Variants in FAM83F observed in about 807,000 individuals in gnomAD.
FAM83F encodes the protein scaffolding CK1 anchoring protein F.
FAM83F carries 45 observed loss-of-function variants against 42.9 expected under a neutral mutation model. The ratio of observed to expected loss-of-function variants is 1.05; its 90% CI spans 0.83 to 1.35. The LOEUF (loss-of-function observed/expected upper bound fraction) is 1.35. FAM83F is among the 40% of genes most tolerant of loss of function. FAM83F has a pLI of 0.00. For synonymous variants in FAM83F, 306 were observed against 298.3 expected (o/e 1.03, Z -0.27); for missense variants, 617 against 695.9 (o/e 0.89, Z 1.28).
intron 4 of FAM83F, among the ~76,000 whole-genome samples, chr22:40,026,617 A>T (rs945971872): frequency 6.6e-6 from 1 of 152,132 alleles, no homozygotes; most frequent in African/African-American, 2.4e-5. Flanking sequence ...GGCCGAGAGG[A>T]AGATGACAGC....
intron 1 of FAM83F, among the ~76,000 whole-genome samples, chr22:40,007,403 TC>T (rs2067437209): frequency 3.2e-5 from 1 of 31,546 alleles, no homozygotes; most frequent in East Asian, 8.6e-4. Flanking sequence ...CCTCTCCTCC[TC>T]CTCTTCCTCC....
At chr22:40,003,545 CA>C (rs1310334029) in intron 1 of FAM83F, among the ~76,000 whole-genome samples, 7 of 135,536 alleles carry the variant, frequency 5.2e-5, no homozygotes, top group African/African-American at 8.5e-5. Flanking sequence ...GCCCCCTGCT[CA>C]GGGGGGGTGT....
chr22:39,998,693 T>C (rs2067382715), intron 1 of FAM83F: 1 of 152,178 alleles, frequency 6.6e-6, no homozygotes, highest in African/African-American at 2.4e-5. Flanking sequence ...GGGGCGGGGT[T>C]TTTTTCTGCT....
Position 40,026,492 on chromosome 22 carries a change from C to T in FAM83F, c.1454-3024C>T, listed in dbSNP as rs931299754. On this transcript the variant is annotated intron_variant, in intron 4 of 4. Coordinates refer to ENST00000333407, the MANE Select transcript of FAM83F (RefSeq NM_138435.4). ...TGGAGATCACACCACTGCACTCCAG[C>T]CTGGGTGACACAGTAGGAATCTGTC... is the stretch of plus-strand genomic sequence containing the variant. Among the ~76,000 whole-genome samples the T allele has an allele frequency of 2.0e-5, 3 of 152,092 alleles. No individual in the cohort carries two copies. In the South Asian group the frequency reaches 6.2e-4, roughly 32 times the overall value.
Position 40,007,941 on chromosome 22 carries a change from G to A in FAM83F, c.490-11227G>A, listed in dbSNP as rs937044127. Among the ~76,000 whole-genome samples the A allele has an allele frequency of 3.3e-5, 5 of 152,176 alleles. No individual in the cohort carries two copies. The South Asian group carries it at 1.0e-3, about 32-fold the overall frequency. On this transcript the variant is annotated intron_variant, in intron 1 of 4. Transcript: ENST00000333407. ...ACAGAGCACCTTTCTGTGCTCTGGTGGCAGCTGTGCCAGTTAGAAGTTGCA... is the reference window on the plus strand; with the variant it reads ...ACAGAGCACCTTTCTGTGCTCTGGTAGCAGCTGTGCCAGTTAGAAGTTGCA...
rs761928217 is a variant in FAM83F, at chr22:40,021,756, C to T, written c.1246C>T (p.Arg416Ter). ...HMHRDLKPKS[R>*]EAPSRNGMGE... ...GCACAGAGACCTGAAGCCCAAATCC[C>T]GAGAGGCACCCAGCCGAAACGGCAT... Residue 416 changes from arginine (R) to a stop codon, truncating the protein, a stop_gained, in exon 4 of 5, where the codon CGA becomes TGA. Coordinates refer to ENST00000333407, the MANE Select transcript of FAM83F (RefSeq NM_138435.4). LOFTEE classifies it high-confidence loss of function. The surrounding 1 kb of genome is among the most constrained non-coding windows in gnomAD (Gnocchi z 8.7). The T allele has an allele frequency of 2.6e-5, 42 of 1,612,860 alleles. No individual in the cohort carries two copies. Among genetic ancestry groups the T allele is most frequent in the Non-Finnish European group, 3.0e-5 (35 of 1,179,814 alleles).
In FAM83F at chr22:40,019,828, G is replaced by T. The variant is rs1160613387; in HGVS notation, c.658-59G>T. ...GGGGGCTCTTCCTCTGCAGAAGCAAGGACCTGGCACGGAGGCTGGCCCAAC... is the reference window on the plus strand; with the variant it reads ...GGGGGCTCTTCCTCTGCAGAAGCAATGACCTGGCACGGAGGCTGGCCCAAC... On this transcript the variant is annotated intron_variant, in intron 2 of 4. Transcript: ENST00000333407. 2.6e-6 allele frequency: 4 copies of T among 1,546,730 alleles called. No homozygotes were observed. In the African/African-American group the frequency reaches 5.5e-5, roughly 21 times the overall value.
At chr22:40,003,353 C>A (rs1488536489) in intron 1 of FAM83F, among the ~76,000 whole-genome samples, 1 of 152,026 alleles carries the variant, frequency 6.6e-6, no homozygotes, top group Non-Finnish European at 1.5e-5. Context: ...AACTGTCAGT[C>A]CCCCCATCTT....
In FAM83F at chr22:40,037,962, C is replaced by T. The variant is rs928878197; in HGVS notation, c.*8397C>T. ...CTAACTCCTGGGCTCAAGTGATCCT[C>T]CCACCTCAGCCTCCCAAGTAGCTGG... On this transcript the variant is annotated 3_prime_UTR_variant, in exon 5 of 5. Transcript: ENST00000333407. 1 of 152,280 alleles carries T rather than the reference C, an allele frequency of 6.6e-6. No individual in the cohort carries two copies. The highest frequency in any genetic ancestry group is 1.5e-5 in the Non-Finnish European group (1 of 68,102). The allele number at this position is 152,280 out of a possible 1,614,324, so 9.4% of individuals were successfully genotyped here. A position where few individuals can be genotyped will look rare whatever the true frequency, so the allele number is the denominator to read the frequency against.
chr22:40,040,969 G>A lies in FAM83F; in HGVS notation c.*11404G>A, dbSNP rs11704416. The stretch of plus-strand genomic sequence containing the variant: ...CAGCTTGCTATCCCCCCTTCCCCCA[G>A]CTTGTGGGTTATTGCAGAATTGTTC... On this transcript the variant is annotated 3_prime_UTR_variant, in exon 5 of 5. Coordinates refer to ENST00000333407, the MANE Select transcript of FAM83F (RefSeq NM_138435.4). 6.6e-6 allele frequency: 1 copy of A among 152,102 alleles called. No individual in the cohort carries two copies. Among genetic ancestry groups the A allele is most frequent in the East Asian group, 1.9e-4 (1 of 5,188 alleles). The allele number at this position is 152,102 out of a possible 1,614,324, so 9.4% of individuals were successfully genotyped here.
chr22:39,995,028 CGG>C lies in FAM83F; in HGVS notation c.-12_-11del, dbSNP rs1425647385. 3.9e-6 allele frequency: 5 copies of C among 1,265,860 alleles called. No individual in the cohort carries two copies. The highest frequency in any genetic ancestry group is 5.0e-6 in the Non-Finnish European group (5 of 1,008,410). The allele number at this position is 1,265,860 out of a possible 1,614,324, so 78.4% of individuals were successfully genotyped here. A position where few individuals can be genotyped will look rare whatever the true frequency, so the allele number is the denominator to read the frequency against. ...GCGGGGCCGGGGCCAGGGCCGGGGC[CGG>C]GGCCGGGGCGCCATGGCCGAGTCCC... On this transcript the variant is annotated 5_prime_UTR_variant, in exon 1 of 5. Coordinates refer to ENST00000333407, the MANE Select transcript of FAM83F (RefSeq NM_138435.4). The surrounding 1 kb of genome is among the most constrained non-coding windows in gnomAD (Gnocchi z 4.6).
intron 1 of FAM83F, among the ~76,000 whole-genome samples, chr22:39,997,688 G>A (rs530194837): frequency 1.3e-5 from 2 of 152,234 alleles, no homozygotes; most frequent in African/African-American, 2.4e-5. Flanking sequence ...TTTTTGCTTC[G>A]AAAAAGCAAG....
intron 1 of FAM83F, among the ~76,000 whole-genome samples, chr22:40,006,385 G>T (rs1190102075): frequency 6.6e-6 from 1 of 152,228 alleles, no homozygotes; most frequent in Non-Finnish European, 1.5e-5. Context: ...GCAGGGCTCT[G>T]TCCCCCACCC....
intron 1 of FAM83F, among the ~76,000 whole-genome samples, chr22:40,005,775 A>C (rs3021273): frequency 0.067 from 10,191 of 152,204 alleles, 1,130 homozygotes; most frequent in African/African-American, 0.23. Context: ...GGCTGGGTGG[A>C]ATTGGGCTCT....
chr22:40,043,487 GA>G lies in FAM83F; in HGVS notation c.*13924del, dbSNP rs2067661692. On this transcript the variant is annotated 3_prime_UTR_variant, in exon 5 of 5. Transcript: ENST00000333407. ...CTATCCTGGAAGATTTCCAGGAGCT[GA>G]AGGGCTGTTCTCTTTGCATGCAATA... The G allele has an allele frequency of 6.6e-6, 1 of 152,194 alleles. No individual in the cohort carries two copies. Among genetic ancestry groups the G allele is most frequent in the African/African-American group, 2.4e-5 (1 of 41,436 alleles). 9.4% of individuals were successfully genotyped at this position (152,194 alleles called of 1,614,324 possible). A position where few individuals can be genotyped will look rare whatever the true frequency, so the allele number is the denominator to read the frequency against.
intron 1 of FAM83F, among the ~76,000 whole-genome samples, chr22:40,014,310 G>A (rs907058064): frequency 3.3e-5 from 5 of 151,700 alleles, no homozygotes; most frequent in African/African-American, 9.7e-5. Context: ...ACCAAGTTAA[G>A]GAAGATCCCT....
In FAM83F at chr22:40,021,795, C is replaced by T. The variant is rs376449430; in HGVS notation, c.1285C>T (p.Arg429Trp). The T allele has an allele frequency of 7.8e-5, 126 of 1,612,538 alleles. No individual in the cohort carries two copies. The highest frequency in any genetic ancestry group is 1.2e-4 in the Admixed American group (7 of 59,986). Reference protein sequence around the residue: ...PSRNGMGEAARGEAAPARRFS... With the variant: ...PSRNGMGEAAWGEAAPARRFS... ...CCGAAACGGCATGGGAGAAGCGGCC[C>T]GGGGGGAGGCCGCCCCCGCCAGGCG... Residue 429 changes from arginine (R) to tryptophan (W), a missense_variant, in exon 4 of 5, where the codon CGG becomes TGG. Transcript: ENST00000333407. The surrounding 1 kb of genome is among the most constrained non-coding windows in gnomAD (Gnocchi z 8.7).
chr22:40,005,301 ATCT>A (rs1454461983), intron 1 of FAM83F, among the ~76,000 whole-genome samples: 1 of 152,262 alleles, frequency 6.6e-6, no homozygotes, highest in Non-Finnish European at 1.5e-5. Flanking sequence ...TCGCTTGTGT[ATCT>A]TCTTTGGATT....
rs770039552 is a variant in FAM83F, at chr22:40,021,935, C to G, written c.1425C>G (p.Pro475=). The change falls in exon 4 of 5, where the codon CCC becomes CCG. Residue 475 remains proline, a synonymous_variant. Coordinates refer to ENST00000333407, the MANE Select transcript of FAM83F (RefSeq NM_138435.4). This position sits in a 1 kb window ranked among gnomAD's most constrained non-coding sequence, Gnocchi z 8.7. The part of the protein sequence containing the change: ...SEVEFLTGKR[P]NENSSADISG... Reference sequence around the variant, plus strand: ...TGGAGTTTCTGACGGGGAAGAGGCCCAACGAGAATTCCAGTGCTGACATCT... The same window carrying G: ...TGGAGTTTCTGACGGGGAAGAGGCCGAACGAGAATTCCAGTGCTGACATCT... 10 of 1,572,806 alleles carry G rather than the reference C, an allele frequency of 6.4e-6. No individual in the cohort carries two copies. The South Asian group carries it at 1.1e-4, about 18-fold the overall frequency.
Sources: gnomAD v4.1 joint callset for allele counts (sites outside exome capture counted in the v4.1 genomes callset) on GRCh38, gnomAD v4.1.1 for gene constraint, Gnocchi (gnomAD v3.1) non-coding constraint, MANE v1.5 for transcripts, NCBI Gene and HGNC (gene_info 2026-07-23, HGNC 2026-07-21) for gene names.